The following DCLK1 variants were observed in gnomAD, a reference collection of about 807,000 sequenced individuals.
DCLK1 encodes doublecortin like kinase 1, also known as serine/threonine-protein kinase DCLK1.
A neutral mutation model predicts 86.2 loss-of-function variants in DCLK1; 16 were observed. That is an observed-to-expected ratio of 0.19 (90% CI 0.13 to 0.28). DCLK1 has a LOEUF of 0.28. DCLK1 is among the 10% of genes least tolerant of loss of function. DCLK1 has a pLI of 1.00. For missense variants in DCLK1, 590 were observed against 940.2 expected (o/e 0.63, Z 4.87); for synonymous variants, 369 against 370.5 (o/e 1.00, Z 0.05).
intron 6 of DCLK1, among the ~76,000 whole-genome samples, chr13:35,852,828 A>C (rs1870753025): frequency 6.6e-6 from 1 of 152,118 alleles, no homozygotes; most frequent in Non-Finnish European, 1.5e-5. Flanking sequence ...AGGAGCTCCC[A>C]TTTGCAGCGG....
intron 4 of DCLK1, among the ~76,000 whole-genome samples, chr13:35,878,266 AT>A (rs1235121112): frequency 6.6e-6 from 1 of 152,212 alleles, no homozygotes; most frequent in African/African-American, 2.4e-5. Context: ...TCGCAGCAGC[AT>A]TACAGGAAAA....
intron 3 of DCLK1, among the ~76,000 whole-genome samples, chr13:36,082,748 T>C (rs1884463121): frequency 6.6e-6 from 1 of 152,164 alleles, no homozygotes; most frequent in East Asian, 1.9e-4. Flanking sequence ...GTTGCTAAAA[T>C]ACTTTCATAT....
chr13:36,022,000 C>G (rs1881805501), intron 3 of DCLK1, among the ~76,000 whole-genome samples: 1 of 151,694 alleles, frequency 6.6e-6, no homozygotes, highest in African/African-American at 2.4e-5. Context: ...ATGTATTAAG[C>G]CATAAAATGA....
At chr13:36,129,074 A>T (rs1180670964) in intron 1 of DCLK1, among the ~76,000 whole-genome samples, 1 of 152,228 alleles carries the variant, frequency 6.6e-6, no homozygotes, top group African/African-American at 2.4e-5. Flanking sequence ...AAAGGCAGTG[A>T]TCATTCTCCC....
At chr13:35,994,904 A>G (rs1401025620) in intron 3 of DCLK1, among the ~76,000 whole-genome samples, 1 of 152,258 alleles carries the variant, frequency 6.6e-6, no homozygotes, top group Non-Finnish European at 1.5e-5. Context: ...GACATAAATC[A>G]GCAATGAAAG....
At chr13:35,923,359 C>A (rs1875916615) in intron 4 of DCLK1, among the ~76,000 whole-genome samples, 1 of 151,948 alleles carries the variant, frequency 6.6e-6, no homozygotes, top group African/African-American at 2.4e-5. Flanking sequence ...GTCCAAGATG[C>A]CACTAGCTTC....
At chr13:36,019,923 G>A (rs950482510) in intron 3 of DCLK1, among the ~76,000 whole-genome samples, 1 of 152,172 alleles carries the variant, frequency 6.6e-6, no homozygotes, top group Admixed American at 6.5e-5. Context: ...ATTGAAGGTG[G>A]GGCCTAATGG....
chr13:35,981,720 T>C (rs1208506198), intron 3 of DCLK1, among the ~76,000 whole-genome samples: 1 of 152,224 alleles, frequency 6.6e-6, no homozygotes, highest in Admixed American at 6.5e-5. Flanking sequence ...GCTCCCACCT[T>C]TTGGCTGTTG....
intron 3 of DCLK1, among the ~76,000 whole-genome samples, chr13:35,949,116 C>T (rs1036589098): frequency 1.3e-5 from 2 of 152,112 alleles, no homozygotes; most frequent in African/African-American, 4.8e-5. Flanking sequence ...TGATCTCCAC[C>T]CAAATGTGAA....
intron 3 of DCLK1, among the ~76,000 whole-genome samples, chr13:36,095,503 G>A (rs1203700699): frequency 6.6e-6 from 1 of 151,972 alleles, no homozygotes; most frequent in Non-Finnish European, 1.5e-5. Context: ...ACTGTGCCCG[G>A]CTCTCTCATA....
intron 3 of DCLK1, among the ~76,000 whole-genome samples, chr13:35,963,117 G>C (rs1878545254): frequency 6.6e-6 from 1 of 152,180 alleles, no homozygotes; most frequent in Admixed American, 6.5e-5. Context: ...TCTTGACTCT[G>C]TAAATCACTC....
chr13:35,950,368 C>A (rs1002272135), intron 3 of DCLK1, among the ~76,000 whole-genome samples: 2 of 152,160 alleles, frequency 1.3e-5, no homozygotes, highest in Admixed American at 6.5e-5. Context: ...AGATTTATAA[C>A]CCTCTTCTTT....
intron 3 of DCLK1, among the ~76,000 whole-genome samples, chr13:35,991,529 G>T (rs979815970): frequency 3.3e-5 from 5 of 151,920 alleles, no homozygotes; most frequent in Non-Finnish European, 5.9e-5. Context: ...AGGTGTGGTG[G>T]TGCATGGCTG....
At chr13:35,827,303 TGG>T (rs1358367787) in intron 10 of DCLK1, among the ~76,000 whole-genome samples, 1 of 152,224 alleles carries the variant, frequency 6.6e-6, no homozygotes, top group African/African-American at 2.4e-5. Context: ...ACAATTGTAT[TGG>T]TACCTAATGC....
At chr13:35,802,193 G>T (rs2153101238) in intron 15 of DCLK1, among the ~76,000 whole-genome samples, 1 of 152,148 alleles carries the variant, frequency 6.6e-6, no homozygotes, top group East Asian at 1.9e-4. Flanking sequence ...TTGCTCAGTT[G>T]TGGTGGTGCA....
intron 3 of DCLK1, among the ~76,000 whole-genome samples, chr13:36,082,846 C>T (rs772140195): frequency 1.3e-5 from 2 of 152,206 alleles, no homozygotes; most frequent in Non-Finnish European, 2.9e-5. Flanking sequence ...ATCTTCATTC[C>T]TCATTTGTCT....
chr13:36,109,815 C>T (rs758557984), intron 3 of DCLK1, among the ~76,000 whole-genome samples: 2 of 152,194 alleles, frequency 1.3e-5, no homozygotes, highest in Non-Finnish European at 2.9e-5. Context: ...GGATTATTTA[C>T]ATGTAAACCA....
In DCLK1 at chr13:36,096,236, T is replaced by C. The variant is rs73525294; in HGVS notation, c.723+15633A>G. 8.4e-3 allele frequency among the ~76,000 whole-genome samples: 1,278 copies of C among 152,320 alleles called. 15 individuals are homozygous for C. The highest frequency in any genetic ancestry group is 0.029 in the African/African-American group (1,204 of 41,566). The stretch of plus-strand genomic sequence containing the variant: ...TGCCTAGATATAAGCCCAAGGCCTT[T>C]GAATCTCAGCCAGAGACCAGCTTTT... On this transcript the variant is annotated intron_variant, in intron 3 of 16. Coordinates refer to ENST00000360631, the MANE Select transcript of DCLK1 (RefSeq NM_001330071.2).
intron 3 of DCLK1, among the ~76,000 whole-genome samples, chr13:35,992,396 A>C (rs1880276020): frequency 6.6e-6 from 1 of 151,786 alleles, no homozygotes; most frequent in Admixed American, 6.6e-5. Context: ...CAGTACTAGG[A>C]TGTGGCTGCC....
Sources: allele counts gnomAD v4.1 joint callset (sites outside exome capture counted in the v4.1 genomes callset), GRCh38; gene constraint gnomAD v4.1.1; transcripts MANE v1.5; gene names NCBI Gene and HGNC (gene_info 2026-07-23, HGNC 2026-07-21).